NCEH1: variants seen among roughly 807,000 people sequenced by gnomAD.
NCEH1 encodes the protein neutral cholesterol ester hydrolase 1.
In NCEH1, 9 loss-of-function variants were observed where a neutral mutation model predicts 25.4. That is an observed-to-expected ratio of 0.35 (90% CI 0.21 to 0.62). NCEH1 has a LOEUF of 0.62. Among genes scored for constraint, NCEH1 ranks in the 20% least tolerant of loss-of-function variants. NCEH1 has a pLI of 0.72. For missense variants in NCEH1, 412 were observed against 501.1 expected (o/e 0.82, Z 1.70); for synonymous variants, 200 against 199.8 (o/e 1.00, Z -0.01).
At chr3:172,687,404 C>CA (rs1162274179) in intron 1 of NCEH1, among the ~76,000 whole-genome samples, 1 of 152,188 alleles carries the variant, frequency 6.6e-6, no homozygotes. Flanking sequence ...GCTTGCTGCA[C>CA]AATATCTTTC....
intron 1 of NCEH1, among the ~76,000 whole-genome samples, chr3:172,693,388 AAGGAT>A (rs1323692797): frequency 6.6e-6 from 1 of 152,108 alleles, no homozygotes; most frequent in Non-Finnish European, 1.5e-5. Flanking sequence ...CAGCAACTTT[AAGGAT>A]TACAGGTGTG....
At chr3:172,642,603 C>CAAAAAAAAAAAAAAAA (rs66551744) in intron 3 of NCEH1, among the ~76,000 whole-genome samples, 186 of 83,366 alleles carry the variant, frequency 2.2e-3, no homozygotes, top group East Asian at 2.9e-3. Flanking sequence ...GCTATTTCTA[C>CAAAAAAAAAAAAAAAA]AAAAAAAAAA....
intron 4 of NCEH1, among the ~76,000 whole-genome samples, chr3:172,634,554 A>G (rs567478571): frequency 6.6e-6 from 1 of 152,322 alleles, no homozygotes; most frequent in African/African-American, 2.4e-5. Context: ...GTAGGACCTC[A>G]GGGTATGCTT....
At chr3:172,653,729 TG>T (rs1717523743) in intron 1 of NCEH1, among the ~76,000 whole-genome samples, 1 of 110,600 alleles carries the variant, frequency 9.0e-6, no homozygotes, top group Admixed American at 1.0e-4. Flanking sequence ...TTGTTGTTGT[TG>T]TTCTGTTTTT....
chr3:172,663,926 T>C (rs553240753), intron 1 of NCEH1, among the ~76,000 whole-genome samples: 1 of 152,234 alleles, frequency 6.6e-6, no homozygotes, highest in Non-Finnish European at 1.5e-5. Flanking sequence ...TGCTAGTCTG[T>C]GTCTTTTAAT....
At chr3:172,655,223 T>A (rs1717632796) in intron 1 of NCEH1, among the ~76,000 whole-genome samples, 2 of 152,342 alleles carry the variant, frequency 1.3e-5, no homozygotes, top group East Asian at 3.9e-4. Context: ...CTTGGCTAGC[T>A]GAAGTAATCT....
chr3:172,670,008 T>C (rs1305917461), intron 1 of NCEH1, among the ~76,000 whole-genome samples: 1 of 152,254 alleles, frequency 6.6e-6, no homozygotes, highest in Non-Finnish European at 1.5e-5. Flanking sequence ...AGTGAATTAC[T>C]ATAAATTACT....
intron 1 of NCEH1, among the ~76,000 whole-genome samples, chr3:172,698,929 GTCTC>G (rs1349187977): frequency 1.3e-5 from 2 of 152,208 alleles, no homozygotes; most frequent in African/African-American, 4.8e-5. Flanking sequence ...TTTCTCTTTA[GTCTC>G]TCTATCGTGA....
chr3:172,682,995 G>C (rs974710572), intron 1 of NCEH1, among the ~76,000 whole-genome samples: 2 of 152,210 alleles, frequency 1.3e-5, no homozygotes, highest in African/African-American at 4.8e-5. Flanking sequence ...AAGTAGAAAG[G>C]ATTTAAGTTT....
chr3:172,643,765 C>A (rs1401885177), intron 3 of NCEH1, among the ~76,000 whole-genome samples: 1 of 152,162 alleles, frequency 6.6e-6, no homozygotes, highest in Non-Finnish European at 1.5e-5. Flanking sequence ...ACGGTGCCAA[C>A]TGAAGCAAGC....
intron 1 of NCEH1, among the ~76,000 whole-genome samples, chr3:172,705,229 G>A (rs6808075): frequency 1.8e-4 from 28 of 152,186 alleles, no homozygotes; most frequent in Non-Finnish European, 3.2e-4. Context: ...GGCTGCTCTC[G>A]AACTCCCGAC....
chr3:172,690,487 T>C (rs776104011), intron 1 of NCEH1, among the ~76,000 whole-genome samples: 1 of 152,210 alleles, frequency 6.6e-6, no homozygotes, highest in African/African-American at 2.4e-5. Flanking sequence ...CTATTAGCCA[T>C]ATAAATTGGA....
At chr3:172,657,462 C>T (rs746905379) in intron 1 of NCEH1, among the ~76,000 whole-genome samples, 1 of 152,158 alleles carries the variant, frequency 6.6e-6, no homozygotes, top group Non-Finnish European at 1.5e-5. Flanking sequence ...TTTCCAATCA[C>T]CTCATCAAAC....
At chr3:172,664,677 A>C (rs563209856) in intron 1 of NCEH1, among the ~76,000 whole-genome samples, 3 of 152,048 alleles carry the variant, frequency 2.0e-5, no homozygotes, top group Non-Finnish European at 4.4e-5. Flanking sequence ...TTTTTTCTCT[A>C]AACTTCTCTT....
intron 1 of NCEH1, among the ~76,000 whole-genome samples, chr3:172,649,506 T>C (rs909079101): frequency 2.6e-5 from 4 of 152,216 alleles, no homozygotes; most frequent in African/African-American, 7.2e-5. Flanking sequence ...GTTGAAACTG[T>C]TCATGTCTTT....
intron 1 of NCEH1, among the ~76,000 whole-genome samples, chr3:172,700,826 A>G (rs1010598156): frequency 2.6e-5 from 4 of 152,122 alleles, no homozygotes; most frequent in African/African-American, 9.7e-5. Flanking sequence ...AAGTTCCCTT[A>G]GCTGACAAAT....
At chr3:172,667,063 G>C (rs972637186) in intron 1 of NCEH1, among the ~76,000 whole-genome samples, 6 of 152,154 alleles carry the variant, frequency 3.9e-5, no homozygotes, top group African/African-American at 1.2e-4. Context: ...GTCCTTTGCT[G>C]TACACTGCAA....
rs143849548 is a variant in NCEH1 at position 172,702,360 on chromosome 3, C to A, written c.138+8487G>T. 9.8e-4 allele frequency among the ~76,000 whole-genome samples: 150 copies of A among 152,310 alleles called. 1 individual carries two copies. The highest frequency in any genetic ancestry group is 3.5e-3 in the African/African-American group (145 of 41,568). On this transcript the variant is annotated intron_variant, in intron 1 of 4. Transcript: ENST00000475381. The stretch of plus-strand genomic sequence containing the variant: ...CAACCTTGACATCTCAGATTAGATA[C>A]GTTTCCCCAGTGCCCAGGTCCACTT...
chr3:172,685,482 AGACT>A (rs1484943743), intron 1 of NCEH1, among the ~76,000 whole-genome samples: 1 of 152,224 alleles, frequency 6.6e-6, no homozygotes, highest in African/African-American at 2.4e-5. Context: ...CCACAAATAC[AGACT>A]GTCTTCTTGG....
Sources: gnomAD v4.1 joint callset for allele counts (sites outside exome capture counted in the v4.1 genomes callset) on GRCh38, gnomAD v4.1.1 for gene constraint, MANE v1.5 for transcripts, NCBI Gene and HGNC (gene_info 2026-07-23, HGNC 2026-07-21) for gene names.